Variants in RFX3 observed in about 807,000 individuals in gnomAD.
RFX3 encodes regulatory factor X3.
Under a neutral mutation model 98.6 loss-of-function variants are expected in RFX3, and 14 were observed. That is an observed-to-expected ratio of 0.14 (90% CI 0.09 to 0.22). The LOEUF (loss-of-function observed/expected upper bound fraction) is 0.22, where lower values mean the gene tolerates loss of function less well. RFX3 is among the 10% of genes least tolerant of loss of function. RFX3 has a pLI of 1.00. For synonymous variants in RFX3, 383 were observed against 328.4 expected, an observed-to-expected ratio of 1.17 and a Z score of -1.80; for missense variants, 639 against 926.9, an observed-to-expected ratio of 0.69 and a Z score of 4.03.
intron 3 of RFX3, among the ~76,000 whole-genome samples, chr9:3,343,760 C>T (rs1382042495): frequency 1.3e-5 from 2 of 152,088 alleles, no homozygotes; most frequent in African/African-American, 4.8e-5. Flanking sequence ...GCATCTTCTC[C>T]CTCTTGACCA....
At chr9:3,322,105 A>G (rs1831388258) in intron 4 of RFX3, among the ~76,000 whole-genome samples, 1 of 152,128 alleles carries the variant, frequency 6.6e-6, no homozygotes, top group African/African-American at 2.4e-5. Context: ...AAAATTTTCT[A>G]TAAATTCTTG....
intron 3 of RFX3, among the ~76,000 whole-genome samples, chr9:3,341,089 T>A (rs931643610): frequency 2.0e-5 from 3 of 152,052 alleles, no homozygotes; most frequent in Non-Finnish European, 2.9e-5. Context: ...AAATGATGAG[T>A]TCATGTCCTT....
At chr9:3,426,629 G>T (rs1039873584) in intron 1 of RFX3, among the ~76,000 whole-genome samples, 1 of 152,086 alleles carries the variant, frequency 6.6e-6, no homozygotes, top group African/African-American at 2.4e-5. Context: ...TCAGAGCAGC[G>T]GCAGCATTCG....
intron 1 of RFX3, among the ~76,000 whole-genome samples, chr9:3,443,032 CA>C (rs797021599): frequency 2.0e-5 from 3 of 152,166 alleles, no homozygotes; most frequent in African/African-American, 7.2e-5. Context: ...CAATAATAAA[CA>C]ACCTGATTAA....
At chr9:3,296,302 G>A (rs1046464556) in intron 5 of RFX3, among the ~76,000 whole-genome samples, 4 of 151,676 alleles carry the variant, frequency 2.6e-5, no homozygotes, top group African/African-American at 7.3e-5. Context: ...TACAGCAAAC[G>A]TTGGCACAAA....
intron 1 of RFX3, among the ~76,000 whole-genome samples, chr9:3,502,783 G>T (rs577983225): frequency 2.0e-5 from 3 of 152,076 alleles, no homozygotes; most frequent in African/African-American, 7.2e-5. Flanking sequence ...GTGAATGTTA[G>T]CCCTGAGTCA....
intron 1 of RFX3, among the ~76,000 whole-genome samples, chr9:3,458,792 G>C (rs568219555): frequency 2.3e-3 from 352 of 152,200 alleles, no homozygotes; most frequent in African/African-American, 8.3e-3. Flanking sequence ...AAAAGGCTAA[G>C]TATAAGACTA....
intron 1 of RFX3, among the ~76,000 whole-genome samples, chr9:3,506,044 T>C (rs1033118240): frequency 1.3e-5 from 2 of 151,816 alleles, no homozygotes; most frequent in African/African-American, 4.8e-5. Flanking sequence ...AGCATGTATA[T>C]TAAAACTTAC....
intron 1 of RFX3, among the ~76,000 whole-genome samples, chr9:3,473,554 C>A (rs1848964979): frequency 1.3e-5 from 2 of 152,166 alleles, no homozygotes; most frequent in South Asian, 4.1e-4. Context: ...TTCACTTACC[C>A]AGCTTGCTAT....
intron 1 of RFX3, among the ~76,000 whole-genome samples, chr9:3,425,630 T>C (rs1843945127): frequency 6.6e-6 from 1 of 152,236 alleles, no homozygotes; most frequent in Non-Finnish European, 1.5e-5. Context: ...CATTATAGTA[T>C]ATTCATACTG....
At position 3,225,135 on chromosome 9, in the gene RFX3, G is replaced by A. The variant is rs1386769592; in HGVS notation, c.2157C>T (p.Ser719=). The A allele has an allele frequency of 5.0e-6, 8 of 1,613,970 alleles. No individual in the cohort carries two copies. The highest frequency in any genetic ancestry group is 3.3e-5 in the Admixed American group (2 of 59,962). The change falls in exon 17 of 17, where the codon AGC becomes AGT. Residue 719 remains serine (S), a synonymous_variant. Transcript: ENST00000617270. ...QPVLETGVQP[S]LLNPIHSEHI... The stretch of plus-strand genomic sequence containing the variant: ...GCTCGCTGTGAATTGGATTCAGGAG[G>A]CTTGGTTGCACGCCAGTCTCGAGAA...
Position 3,291,725 on chromosome 9 carries a change from A to C in RFX3, c.731+1352T>G, listed in dbSNP as rs144653565. 1.7e-3 allele frequency among the ~76,000 whole-genome samples: 261 copies of C among 152,264 alleles called. 1 individual carries two copies. Among genetic ancestry groups the C allele is most frequent in the Non-Finnish European group, 3.1e-3 (210 of 68,012 alleles). ...AGAAAAAGATCAATCTTTTCTTCCT[A>C]CAACACTCACTCCTCTTTTTGGTAT... On this transcript the variant is annotated intron_variant, in intron 6 of 16. Transcript: ENST00000617270.
intron 10 of RFX3, 78 bp from the exon 11 acceptor site, chr9:3,270,603 G>T (rs1245294436): frequency 4.9e-6 from 7 of 1,415,454 alleles, no homozygotes; most frequent in Non-Finnish European, 1.9e-6. Context: ...AATAGTTTAA[G>T]TTTACCAAAT....
intron 7 of RFX3, among the ~76,000 whole-genome samples, chr9:3,278,083 G>T (rs1051428492): frequency 2.2e-4 from 34 of 151,818 alleles, no homozygotes; most frequent in African/African-American, 8.2e-4. Context: ...TTAAAATAAA[G>T]AATCAAAGTC....
intron 4 of RFX3, among the ~76,000 whole-genome samples, chr9:3,316,921 A>G (rs1248926827): frequency 1.3e-5 from 2 of 152,234 alleles, no homozygotes; most frequent in African/African-American, 2.4e-5. Context: ...AAGAATCAAT[A>G]TCGTGAAAAT....
intron 4 of RFX3, among the ~76,000 whole-genome samples, chr9:3,319,894 A>G (rs564955059): frequency 3.3e-5 from 5 of 152,292 alleles, no homozygotes; most frequent in Non-Finnish European, 7.4e-5. Flanking sequence ...CATAAATACA[A>G]ATACAAACAT....
chr9:3,505,213 AATAT>A (rs1330872447), intron 1 of RFX3, among the ~76,000 whole-genome samples: 1 of 62,992 alleles, frequency 1.6e-5, no homozygotes, highest in Non-Finnish European at 2.4e-5. Context: ...TATATATATG[AATAT>A]ATATTTATAT....
At chr9:3,481,568 T>C (rs1409048593) in intron 1 of RFX3, among the ~76,000 whole-genome samples, 2 of 151,046 alleles carry the variant, frequency 1.3e-5, no homozygotes, top group Admixed American at 1.3e-4. Flanking sequence ...GGACATCAAC[T>C]GGAATAAAAA....
chr9:3,396,758 T>C (rs868410392), intron 1 of RFX3, among the ~76,000 whole-genome samples: 5 of 152,204 alleles, frequency 3.3e-5, no homozygotes, highest in Admixed American at 6.5e-5. Context: ...TGGTATCTCA[T>C]TGTGGTTTTG....
Sources: gnomAD v4.1 joint callset for allele counts (sites outside exome capture counted in the v4.1 genomes callset) on GRCh38, gnomAD v4.1.1 for gene constraint, MANE v1.5 for transcripts, NCBI Gene and HGNC (gene_info 2026-07-23, HGNC 2026-07-21) for gene names.